SH3BP5: variants seen among roughly 807,000 people sequenced by gnomAD.
The protein encoded by SH3BP5 is SH3 domain binding protein 5, also known as SH3 domain-binding protein 5.
Under a neutral mutation model 43.3 loss-of-function variants are expected in SH3BP5, and 22 were observed. The observed-to-expected ratio is 0.51, with a 90% confidence interval of 0.36 to 0.73. The LOEUF (loss-of-function observed/expected upper bound fraction) is 0.73. SH3BP5 is among the 30% of genes least tolerant of loss of function. SH3BP5 has a pLI of 0.00. For synonymous variants in SH3BP5, 255 were observed against 225.8 expected, an observed-to-expected ratio of 1.13 and a Z score of -1.16; for missense variants, 529 against 586.9, an observed-to-expected ratio of 0.90 and a Z score of 1.02.
intron 2 of SH3BP5, among the ~76,000 whole-genome samples, chr3:15,309,858 C>T (rs1178769611): frequency 6.6e-6 from 1 of 151,990 alleles, no homozygotes; most frequent in Non-Finnish European, 1.5e-5. Flanking sequence ...CAAGCCTATT[C>T]ATCAAAGATG....
chr3:15,337,862 C>CT (rs1377198720), intron 1 of SH3BP5, among the ~76,000 whole-genome samples: 18 of 132,168 alleles, frequency 1.4e-4, no homozygotes, highest in Non-Finnish European at 2.3e-4. Context: ...CTGCAGTGAA[C>CT]TAAGGAAGTG....
upstream of SH3BP5, among the ~76,000 whole-genome samples, chr3:15,334,258 T>C (rs983483668): frequency 3.3e-5 from 5 of 152,190 alleles, no homozygotes; most frequent in Non-Finnish European, 7.3e-5. Flanking sequence ...GGGCCAGCTA[T>C]AGTGTTAATC....
intron 3 of SH3BP5, among the ~76,000 whole-genome samples, chr3:15,302,691 G>A (rs913889344): frequency 6.6e-6 from 1 of 152,084 alleles, no homozygotes; most frequent in Non-Finnish European, 1.5e-5. Flanking sequence ...TAGATTTCTG[G>A]GACTTAATTT....
intron 3 of SH3BP5, among the ~76,000 whole-genome samples, chr3:15,302,422 C>G (rs1221005692): frequency 6.6e-6 from 1 of 152,142 alleles, no homozygotes; most frequent in Non-Finnish European, 1.5e-5. Flanking sequence ...CCCAATGCAC[C>G]AGGCCAGGGA....
intron 3 of SH3BP5, among the ~76,000 whole-genome samples, chr3:15,284,766 A>G (rs992675656): frequency 7.2e-5 from 11 of 152,232 alleles, no homozygotes; most frequent in African/African-American, 2.7e-4. Context: ...AGTTAACACC[A>G]ACTCACTCTG....
intron 1 of SH3BP5, among the ~76,000 whole-genome samples, chr3:15,338,819 G>T (rs1698731525): frequency 6.6e-6 from 1 of 152,144 alleles, no homozygotes; most frequent in Non-Finnish European, 1.5e-5. Flanking sequence ...GTGAGGAGTG[G>T]CTGGCTGGCC....
intron 2 of SH3BP5, among the ~76,000 whole-genome samples, chr3:15,325,298 G>A (rs1442569742): frequency 1.3e-5 from 2 of 152,184 alleles, no homozygotes; most frequent in African/African-American, 2.4e-5. Context: ...CAGGGCTGTC[G>A]CACACCTGAA....
At chr3:15,294,957 C>A (rs1215775090) in intron 3 of SH3BP5, among the ~76,000 whole-genome samples, 2 of 152,096 alleles carry the variant, frequency 1.3e-5, no homozygotes, top group Non-Finnish European at 2.9e-5. Flanking sequence ...CTGCACTGAC[C>A]CCTCCCCTCA....
At chr3:15,268,163 A>G (rs1696695340) in intron 4 of SH3BP5, among the ~76,000 whole-genome samples, 1 of 152,212 alleles carries the variant, frequency 6.6e-6, no homozygotes, top group African/African-American at 2.4e-5. Context: ...AGCTCAGCCG[A>G]GAGTCTCAGG....
At chr3:15,299,214 G>A (rs1364026352) in intron 3 of SH3BP5, among the ~76,000 whole-genome samples, 1 of 152,330 alleles carries the variant, frequency 6.6e-6, no homozygotes, top group South Asian at 2.1e-4. Flanking sequence ...CTGAAGGCCA[G>A]ATGGACTGGC....
At chr3:15,338,440 A>G (rs998204433) in intron 1 of SH3BP5, among the ~76,000 whole-genome samples, 1 of 152,264 alleles carries the variant, frequency 6.6e-6, no homozygotes, top group African/African-American at 2.4e-5. Flanking sequence ...CTGCATTCAC[A>G]TCACACTCTG....
At chr3:15,273,228 A>C (rs987188349) in intron 3 of SH3BP5, 2 of 985,368 alleles carry the variant, frequency 2.0e-6, no homozygotes, top group Non-Finnish European at 2.4e-6. Context: ...GCAACATTTA[A>C]GGGTAAACTC....
chr3:15,262,049 A>ACT (rs1696462780), intron 5 of SH3BP5, 110 bp downstream of exon 5: 1 of 1,282,386 alleles, frequency 7.8e-7, no homozygotes, highest in Non-Finnish European at 1.1e-6. Flanking sequence ...CCCAGGGTCT[A>ACT]CATCAAAGGA....
intron 3 of SH3BP5, among the ~76,000 whole-genome samples, chr3:15,270,431 CCAGA>C (rs1409103487): frequency 1.3e-5 from 2 of 152,150 alleles, no homozygotes; most frequent in East Asian, 3.8e-4. Context: ...TGTCACTCTG[CCAGA>C]CAGTCTCCCA....
At chr3:15,296,505 G>A (rs1697576122) in intron 3 of SH3BP5, among the ~76,000 whole-genome samples, 1 of 152,114 alleles carries the variant, frequency 6.6e-6, no homozygotes, top group Admixed American at 6.5e-5. Context: ...AGGTCAACAA[G>A]TGGCTAGAAC....
intron 3 of SH3BP5, among the ~76,000 whole-genome samples, chr3:15,280,909 G>A (rs1697109603): frequency 6.6e-6 from 1 of 152,218 alleles, no homozygotes; most frequent in African/African-American, 2.4e-5. Context: ...CCACTGGGAT[G>A]CACGATGCAG....
chr3:15,340,505 A>G (rs1035791910), intron 1 of SH3BP5, among the ~76,000 whole-genome samples: 4 of 152,096 alleles, frequency 2.6e-5, no homozygotes, highest in Non-Finnish European at 4.4e-5. Flanking sequence ...GGTGGCTCAC[A>G]CCTGTAATCC....
chr3:15,328,948 T>TA (rs1001110975), intron 2 of SH3BP5, among the ~76,000 whole-genome samples: 7 of 152,142 alleles, frequency 4.6e-5, no homozygotes, highest in African/African-American at 1.7e-4. Context: ...GAAACGTGGC[T>TA]ATTGTGACTG....
Position 15,300,540 on chromosome 3 carries a change from A to C in SH3BP5, c.330+3563T>G, listed in dbSNP as rs1013323749. On this transcript the variant is annotated intron_variant, in intron 3 of 8. Coordinates refer to ENST00000383791, the MANE Select transcript of SH3BP5 (RefSeq NM_004844.5). ...CAAGAGGAAGAAAACAGGAAGTCCT[A>C]CTTGGCAGCATCTGGAAGTGGACAT... Among the ~76,000 whole-genome samples, 11 of 152,086 alleles carry C rather than the reference A, an allele frequency of 7.2e-5. 1 individual carries two copies. Among genetic ancestry groups the C allele is most frequent in the African/African-American group, 2.4e-4 (10 of 41,372 alleles).
Sources: gnomAD v4.1 joint callset for allele counts (sites outside exome capture counted in the v4.1 genomes callset) on GRCh38, gnomAD v4.1.1 for gene constraint, MANE v1.5 for transcripts, NCBI Gene and HGNC (gene_info 2026-07-23, HGNC 2026-07-21) for gene names.